Variants in RANBP2 observed in about 807,000 individuals in gnomAD.
The protein encoded by RANBP2 is E3 SUMO-protein ligase RanBP2.
In RANBP2, 57 loss-of-function variants were observed where a neutral mutation model predicts 303.6. The observed-to-expected ratio is 0.19, with a 90% CI of 0.15 to 0.23. The LOEUF is 0.23. Ranked by LOEUF, RANBP2 falls within the 10% of genes least tolerant of loss-of-function variation. The pLI is 1.00. For synonymous variants in RANBP2, 1,167 were observed against 1,301.5 expected (o/e 0.90, Z 2.23); for missense variants, 3,138 against 3,780.8 (o/e 0.83, Z 4.46).
the RANBP2 span, among the ~76,000 whole-genome samples, chr2:109,739,905 G>GT: frequency 0.015 from 2,007 of 130,750 alleles, 133 homozygotes; most frequent in African/African-American, 0.051. Context: ...TCTATACCCA[G>GT]TTTTTTTTTT....
the RANBP2 span, among the ~76,000 whole-genome samples, chr2:109,172,876 C>G: frequency 6.6e-6 from 1 of 152,204 alleles, no homozygotes; most frequent in South Asian, 2.1e-4. Flanking sequence ...TCCAGTATTT[C>G]TCTTCCAAAA....
the RANBP2 span, chr2:109,614,584 C>T: frequency 3.5e-6 from 5 of 1,409,868 alleles, no homozygotes; most frequent in Non-Finnish European, 4.6e-6. Context: ...GCCCTGCACG[C>T]CGAGCTGGTG....
intron 8 of RANBP2, among the ~76,000 whole-genome samples, chr2:108,748,240 C>T (rs1047091112): frequency 6.0e-5 from 9 of 150,592 alleles, no homozygotes; most frequent in African/African-American, 2.2e-4. Context: ...CAGAGTCTTA[C>T]TCTGTCGCCC....
At chr2:108,820,712 A>AACAC in the RANBP2 span, among the ~76,000 whole-genome samples, 12 of 22,606 alleles carry the variant, frequency 5.3e-4, no homozygotes, top group African/African-American at 3.1e-3. Flanking sequence ...AAAAAAAAAA[A>AACAC]AAACAAACAA....
chr2:109,711,698 G>C, the RANBP2 span, among the ~76,000 whole-genome samples: 2 of 152,102 alleles, frequency 1.3e-5, no homozygotes, highest in African/African-American at 4.8e-5. Flanking sequence ...CTGAAATGCT[G>C]TCCTGGAGAC....
At chr2:109,447,389 C>T in the RANBP2 span, among the ~76,000 whole-genome samples, 15 of 152,096 alleles carry the variant, frequency 9.9e-5, no homozygotes, top group African/African-American at 3.6e-4. Flanking sequence ...GGCCTCCAAA[C>T]GCTGTTAGGA....
chr2:108,727,686 C>T (rs1247890679), intron 1 of RANBP2, among the ~76,000 whole-genome samples: 2 of 150,530 alleles, frequency 1.3e-5, no homozygotes, highest in East Asian at 3.9e-4. Flanking sequence ...CCACTGCAGC[C>T]TCTGCCTCCC....
intron 25 of RANBP2, among the ~76,000 whole-genome samples, chr2:108,778,139 A>G (rs1031313184): frequency 6.6e-6 from 1 of 152,152 alleles, no homozygotes; most frequent in Admixed American, 6.5e-5. Flanking sequence ...AAAAAATCCC[A>G]AAAAAATAGA....
chr2:108,793,609 T>G, the RANBP2 span, among the ~76,000 whole-genome samples: 295 of 151,866 alleles, frequency 1.9e-3, 1 homozygote, highest in African/African-American at 4.9e-3. Context: ...GTTTTGTTTT[T>G]TTTTTGAGAT....
chr2:108,945,872 C>T, the RANBP2 span, among the ~76,000 whole-genome samples: 165 of 152,294 alleles, frequency 1.1e-3, 5 homozygotes, highest in East Asian at 0.021. Context: ...TTCACAGAGA[C>T]GGAAAGTAGA....
chr2:108,737,975 A>G (rs1695752239), intron 6 of RANBP2, among the ~76,000 whole-genome samples: 1 of 150,104 alleles, frequency 6.7e-6, no homozygotes, highest in African/African-American at 2.5e-5. Flanking sequence ...CGGCCTCCCA[A>G]AGTGTTGGGA....
At chr2:108,942,452 A>C in the RANBP2 span, among the ~76,000 whole-genome samples, 1 of 152,220 alleles carries the variant, frequency 6.6e-6, no homozygotes, top group Non-Finnish European at 1.5e-5. Context: ...ACTTGGTTTC[A>C]TCCCACCCCT....
At chr2:109,575,787 G>A in the RANBP2 span, among the ~76,000 whole-genome samples, 1 of 152,196 alleles carries the variant, frequency 6.6e-6, no homozygotes, top group Non-Finnish European at 1.5e-5. Context: ...ACCTTGAGCA[G>A]CTGAGGTACT....
chr2:109,656,914 T>C, the RANBP2 span, among the ~76,000 whole-genome samples: 2 of 151,982 alleles, frequency 1.3e-5, no homozygotes, highest in Non-Finnish European at 2.9e-5. Flanking sequence ...AGTAGGGCGG[T>C]TCATAGAAGA....
chr2:109,278,560 T>C, the RANBP2 span, among the ~76,000 whole-genome samples: 1 of 152,228 alleles, frequency 6.6e-6, no homozygotes, highest in Non-Finnish European at 1.5e-5. Flanking sequence ...CCAATGTCAC[T>C]GCATAGCAAT....
chr2:108,804,935 A>G, the RANBP2 span: 2 of 1,573,504 alleles, frequency 1.3e-6, no homozygotes, highest in Non-Finnish European at 1.7e-6. Context: ...CTTAAGGAAA[A>G]GAATAAAGAA....
chr2:109,437,511 C>T, the RANBP2 span, among the ~76,000 whole-genome samples: 5 of 152,192 alleles, frequency 3.3e-5, no homozygotes, highest in Admixed American at 1.3e-4. Context: ...AGATTAACAC[C>T]GGCACTTTCA....
chr2:109,620,037 A>C, the RANBP2 span, among the ~76,000 whole-genome samples: 1 of 152,218 alleles, frequency 6.6e-6, no homozygotes, highest in Non-Finnish European at 1.5e-5. Flanking sequence ...TGTCAGTTTC[A>C]TCTCAGTAAG....
chr2:109,458,810 A>G, the RANBP2 span, among the ~76,000 whole-genome samples: 1 of 152,190 alleles, frequency 6.6e-6, no homozygotes, highest in Admixed American at 6.5e-5. Flanking sequence ...ACTTTCAGTA[A>G]TCTCTTTTAC....
Sources: gnomAD v4.1 joint callset for allele counts (sites outside exome capture counted in the v4.1 genomes callset) on GRCh38, gnomAD v4.1.1 for gene constraint, MANE v1.5 for transcripts, NCBI Gene and HGNC (gene_info 2026-07-23, HGNC 2026-07-21) for gene names.